CSMD1: variants seen among roughly 807,000 people sequenced by gnomAD.
The protein encoded by CSMD1 is CUB and Sushi multiple domains 1.
In CSMD1, 213 loss-of-function variants were observed where a neutral mutation model predicts 417.5. The ratio of observed to expected loss-of-function variants is 0.51; its 90% CI spans 0.46 to 0.57. The LOEUF (loss-of-function observed/expected upper bound fraction) is 0.57. Among genes scored for constraint, CSMD1 ranks in the 20% least tolerant of loss-of-function variants. CSMD1 has a pLI of 0.00. For synonymous variants in CSMD1, 2,862 were observed against 1,736.8 expected (o/e 1.65, Z -16.11); for missense variants, 6,923 against 4,529.7 (o/e 1.53, Z -15.17).
intron 57 of CSMD1, among the ~76,000 whole-genome samples, chr8:2,969,875 ATATATTGCAG>A (rs1804293109): frequency 6.6e-6 from 1 of 152,144 alleles, no homozygotes; most frequent in Admixed American, 6.5e-5. Flanking sequence ...TGGGTGTAAC[ATATATTGCAG>A]TGGGCTTATT....
At chr8:3,308,174 A>G in intron 24 of CSMD1, 138 bp downstream of exon 24, 1 of 687,680 alleles carries the variant, frequency 1.5e-6, no homozygotes, top group East Asian at 2.7e-5. Flanking sequence ...ACACGTGCAA[A>G]TCTCAGAATA....
chr8:4,077,408 TTAA>T (rs1269973755), intron 3 of CSMD1, among the ~76,000 whole-genome samples: 22 of 151,368 alleles, frequency 1.5e-4, no homozygotes, highest in African/African-American at 3.6e-4. Context: ...TAATAAGCTC[TTAA>T]TAATTTTTAT....
intron 7 of CSMD1, among the ~76,000 whole-genome samples, chr8:3,661,105 T>G (rs1266754337): frequency 6.6e-6 from 1 of 152,196 alleles, no homozygotes; most frequent in African/African-American, 2.4e-5. Context: ...GGGTTCCATC[T>G]GTTAAAGCAA....
chr8:3,251,974 T>C (rs1800300935), intron 26 of CSMD1, among the ~76,000 whole-genome samples: 1 of 152,180 alleles, frequency 6.6e-6, no homozygotes, highest in Non-Finnish European at 1.5e-5. Flanking sequence ...GCTGAGACAA[T>C]GCGGTTTTCT....
At chr8:3,271,690 G>A (rs1470780936) in intron 26 of CSMD1, among the ~76,000 whole-genome samples, 1 of 152,162 alleles carries the variant, frequency 6.6e-6, no homozygotes, top group African/African-American at 2.4e-5. Context: ...GTGATGATGA[G>A]CATTTTTTCA....
At chr8:3,959,697 T>C (rs1476383861) in intron 5 of CSMD1, among the ~76,000 whole-genome samples, 2 of 152,208 alleles carry the variant, frequency 1.3e-5, no homozygotes, top group South Asian at 2.1e-4. Context: ...AGTTTCTTTA[T>C]ATGATATACC....
intron 11 of CSMD1, among the ~76,000 whole-genome samples, chr8:3,488,775 G>A (rs1340758287): frequency 2.0e-5 from 3 of 152,184 alleles, no homozygotes; most frequent in African/African-American, 7.2e-5. Context: ...AAACAGTTGA[G>A]TCTGTCTATA....
intron 5 of CSMD1, among the ~76,000 whole-genome samples, chr8:3,951,856 A>T (rs1022916334): frequency 1.3e-5 from 2 of 152,088 alleles, no homozygotes; most frequent in Non-Finnish European, 2.9e-5. Flanking sequence ...AATTAAATAC[A>T]TAACTTGCAC....
At chr8:3,624,875 T>G (rs1584979613) in intron 7 of CSMD1, among the ~76,000 whole-genome samples, 1 of 152,336 alleles carries the variant, frequency 6.6e-6, no homozygotes, top group East Asian at 1.9e-4. Context: ...TTTCTCCTCT[T>G]TGATTTGCAG....
intron 1 of CSMD1, among the ~76,000 whole-genome samples, chr8:4,790,410 G>A (rs1369627249): frequency 6.6e-6 from 1 of 152,088 alleles, no homozygotes; most frequent in Non-Finnish European, 1.5e-5. Context: ...ACTTCCCAGA[G>A]CAATTTACAG....
intron 10 of CSMD1, among the ~76,000 whole-genome samples, chr8:3,565,569 G>A (rs13248151): frequency 0.4 from 60,491 of 151,984 alleles, 12,304 homozygotes; most frequent in Middle Eastern, 0.49. Flanking sequence ...TCAAATGCAA[G>A]TGAATGCCTC....
At chr8:4,181,259 T>C (rs1306368050) in intron 3 of CSMD1, among the ~76,000 whole-genome samples, 7 of 152,184 alleles carry the variant, frequency 4.6e-5, no homozygotes, top group African/African-American at 1.4e-4. Flanking sequence ...ACCCTGAACG[T>C]GCCCAATCTC....
At chr8:4,693,589 G>A (rs192495052) in intron 1 of CSMD1, among the ~76,000 whole-genome samples, 1 of 152,146 alleles carries the variant, frequency 6.6e-6, no homozygotes, top group Non-Finnish European at 1.5e-5. Context: ...AGGCAGAGTG[G>A]TATTGAGGTA....
In CSMD1 at chr8:3,343,278, G is replaced by A. The variant is rs901139011; in HGVS notation, c.3631+16C>T. 3 of 1,607,532 alleles carry A rather than the reference G, an allele frequency of 1.9e-6. No homozygotes were observed. The Admixed American group carries it at 5.0e-5, about 27-fold the overall frequency. ...CAAAATGAAAAAAGAACGTGATTAAGTCGTATGTTACTTACTGGTATAGGT... is the reference window on the plus strand; with the variant it reads ...CAAAATGAAAAAAGAACGTGATTAAATCGTATGTTACTTACTGGTATAGGT... On this transcript the variant is annotated intron_variant, in intron 23 of 69. Coordinates refer to ENST00000635120, the MANE Select transcript of CSMD1 (RefSeq NM_033225.6).
At chr8:3,437,773 A>G (rs1209469064) in intron 12 of CSMD1, among the ~76,000 whole-genome samples, 1 of 150,188 alleles carries the variant, frequency 6.7e-6, no homozygotes, top group African/African-American at 2.5e-5. Context: ...TTTGTTTCAG[A>G]GTCTTGCTCT....
chr8:4,479,483 C>G (rs1174039317), intron 2 of CSMD1, among the ~76,000 whole-genome samples: 1 of 152,128 alleles, frequency 6.6e-6, no homozygotes, highest in African/African-American at 2.4e-5. Flanking sequence ...TAACAAAGAC[C>G]TTAATGGATT....
intron 1 of CSMD1, among the ~76,000 whole-genome samples, chr8:4,699,581 A>G (rs890420001): frequency 6.6e-6 from 1 of 152,196 alleles, no homozygotes; most frequent in Non-Finnish European, 1.5e-5. Context: ...AATTTAACCA[A>G]TAAGAATATA....
intron 10 of CSMD1, among the ~76,000 whole-genome samples, chr8:3,537,153 G>C (rs1385503434): frequency 6.6e-6 from 1 of 151,922 alleles, no homozygotes; most frequent in South Asian, 2.1e-4. Flanking sequence ...ACAGGTGCCC[G>C]CCACCACGCC....
intron 5 of CSMD1, among the ~76,000 whole-genome samples, chr8:3,982,160 AAATAATAATAAT>A (rs534030179): frequency 2.2e-5 from 2 of 89,526 alleles, no homozygotes; most frequent in South Asian, 3.0e-4. Flanking sequence ...TCTATCTCAA[AAATAATAATAAT>A]AATAATAATA....
Sources: gnomAD v4.1 joint callset for allele counts (sites outside exome capture counted in the v4.1 genomes callset) on GRCh38, gnomAD v4.1.1 for gene constraint, MANE v1.5 for transcripts, NCBI Gene and HGNC (gene_info 2026-07-23, HGNC 2026-07-21) for gene names.